Variants in ERCC6L2 observed in about 807,000 individuals in gnomAD.
ERCC6L2 encodes the protein DNA excision repair protein ERCC-6-like 2.
ERCC6L2 carries 77 observed loss-of-function variants against 132.0 expected under a neutral mutation model. That is an observed-to-expected ratio of 0.58 (90% confidence interval 0.49 to 0.71). The LOEUF (loss-of-function observed/expected upper bound fraction) is 0.71, where lower values mean the gene tolerates loss of function less well. Among genes scored for constraint, ERCC6L2 ranks in the 30% least tolerant of loss-of-function variants. The pLI is 0.00. For synonymous variants in ERCC6L2, 583 were observed against 632.4 expected (o/e 0.92, Z 1.17); for missense variants, 1,542 against 1,837.6 (o/e 0.84, Z 2.94).
At chr9:96,019,552 C>T (rs981695349), downstream of ERCC6L2, among the ~76,000 whole-genome samples, 27 of 152,138 alleles carry the variant, frequency 1.8e-4, no homozygotes, top group Non-Finnish European at 3.7e-4. Flanking sequence ...TCACCAAGCT[C>T]AATGGAGCCT....
chr9:95,972,665 A>G lies in ERCC6L2; in HGVS notation c.2914A>G (p.Lys972Glu). ...GAACACAACCCTGAAATCTATTTTGAAAAGAAAAGGCACCAGTGATATCAG... is the reference window on the plus strand; with the variant it reads ...GAACACAACCCTGAAATCTATTTTGGAAAGAAAAGGCACCAGTGATATCAG... ...PENTTLKSILKRKGTSDISDE... is the reference protein window; with the variant it reads ...PENTTLKSILERKGTSDISDE... Residue 972 changes from lysine (K) to glutamate (E), a missense_variant, in exon 16 of 19, where the codon AAA becomes GAA. Physicochemically the swap from Lys to Glu is moderately conservative, Grantham distance 56. Around this residue, in one of 4 missense-constraint regions of ERCC6L2, gnomAD observed 945 missense variants for 1,105.2 expected, o/e 0.86. Coordinates refer to ENST00000653738, the MANE Select transcript of ERCC6L2 (RefSeq NM_020207.7). 7.7e-7 allele frequency: 1 copy of G among 1,297,900 alleles called. No individual in the cohort carries two copies. Among genetic ancestry groups the G allele is most frequent in the Non-Finnish European group, 1.0e-6 (1 of 988,902 alleles). The allele number at this position is 1,297,900 out of a possible 1,614,324, so 80.4% of individuals were successfully genotyped here. A position where few individuals can be genotyped will look rare whatever the true frequency, so the allele number is the denominator to read the frequency against.
intron 11 of ERCC6L2, among the ~76,000 whole-genome samples, chr9:95,941,222 T>A (rs1407562309): frequency 1.3e-5 from 2 of 152,176 alleles, no homozygotes; most frequent in African/African-American, 2.4e-5. Flanking sequence ...CACAAACTAT[T>A]TACGTGGGCT....
downstream of ERCC6L2, chr9:96,020,563 C>T (rs558363776): frequency 1.7e-5 from 6 of 360,740 alleles, no homozygotes; most frequent in Admixed American, 3.7e-5. Context: ...TATGCTGAGA[C>T]ATGTTGGGGT....
chr9:95,883,813 GT>G (rs759606527), intron 2 of ERCC6L2, among the ~76,000 whole-genome samples: 13 of 152,184 alleles, frequency 8.5e-5, no homozygotes, highest in Non-Finnish European at 1.9e-4. Flanking sequence ...AGTCGAGATT[GT>G]GCCACTGCAC....
In ERCC6L2 at chr9:95,972,925, G is replaced by C. The variant is rs1249866068; in HGVS notation, c.3174G>C (p.Gln1058His). The C allele has an allele frequency of 6.1e-6, 8 of 1,306,758 alleles. No homozygotes were observed. The South Asian group carries it at 9.9e-5, about 16-fold the overall frequency. The allele number at this position is 1,306,758 out of a possible 1,614,324, so 80.9% of individuals were successfully genotyped here. ...LSVSHFSFSK[Q>H]SHRPRTIRDR... ...TCAGCCACTTCAGTTTCTCTAAACA[G>C]AGCCACAGACCAAGAACTATAAGAG... The change falls in exon 16 of 19, where the codon CAG (glutamine) becomes CAC (histidine). Residue 1058 changes from glutamine to histidine, a missense_variant. This residue lies in a region of ERCC6L2 where 945 missense variants were observed against 1,105.2 expected (regional missense o/e 0.86). Transcript: ENST00000653738.
chr9:95,965,161 A>G (rs2133046075), intron 13 of ERCC6L2, among the ~76,000 whole-genome samples: 1 of 152,232 alleles, frequency 6.6e-6, no homozygotes. Context: ...GTTTTTTTTA[A>G]GAGAGGCATC....
chr9:95,998,423 G>T (rs1297704511), intron 17 of ERCC6L2, among the ~76,000 whole-genome samples: 2 of 152,232 alleles, frequency 1.3e-5, no homozygotes, highest in Non-Finnish European at 2.9e-5. Context: ...TGAATCAGCT[G>T]ACCTTGAGAT....
chr9:95,985,285 C>T (rs1833054304), intron 17 of ERCC6L2, among the ~76,000 whole-genome samples: 1 of 152,184 alleles, frequency 6.6e-6, no homozygotes, highest in South Asian at 2.1e-4. Context: ...TAAACACTAC[C>T]ACTTAGCCGT....
intron 17 of ERCC6L2, among the ~76,000 whole-genome samples, chr9:95,980,069 G>T (rs1285354298): frequency 6.6e-6 from 1 of 152,118 alleles, no homozygotes; most frequent in Non-Finnish European, 1.5e-5. Context: ...TATAATTTCT[G>T]CAACAATTGA....
intron 13 of ERCC6L2, among the ~76,000 whole-genome samples, chr9:95,964,546 G>A (rs1832065455): frequency 6.6e-6 from 1 of 152,154 alleles, no homozygotes; most frequent in Non-Finnish European, 1.5e-5. Flanking sequence ...CCGTGGTAAG[G>A]AAGCAAAGGG....
intron 2 of ERCC6L2, among the ~76,000 whole-genome samples, chr9:95,894,289 A>G (rs575865864): frequency 6.6e-6 from 1 of 152,326 alleles, no homozygotes; most frequent in African/African-American, 2.4e-5. Context: ...AAAAATTGCA[A>G]GTTGAGCTAT....
chr9:95,918,760 T>C (rs936108020), intron 6 of ERCC6L2: 27 of 171,220 alleles, frequency 1.6e-4, no homozygotes, highest in African/African-American at 5.8e-4. Context: ...TCCATTCTCA[T>C]TGTGTTTTTT....
chr9:95,948,791 G>GAAAAAAAAAAAA (rs55712485), intron 12 of ERCC6L2, among the ~76,000 whole-genome samples: 1 of 104,068 alleles, frequency 9.6e-6, no homozygotes, highest in Non-Finnish European at 1.9e-5. Context: ...CAAGACATTA[G>GAAAAAAAAAAAA]AAAAAAAAAA....
At chr9:95,915,885 CT>C in intron 5 of ERCC6L2, 56 bp downstream of exon 5, 12 of 1,455,950 alleles carry the variant, frequency 8.2e-6, no homozygotes, top group Non-Finnish European at 1.0e-5. Context: ...TGAATACGGT[CT>C]TGTTTGCTAA....
intron 12 of ERCC6L2, among the ~76,000 whole-genome samples, chr9:95,950,787 T>C (rs986223718): frequency 6.6e-6 from 1 of 152,188 alleles, no homozygotes; most frequent in Non-Finnish European, 1.5e-5. Flanking sequence ...ATTTAACAAT[T>C]ATATACATAA....
At chr9:95,899,379 G>A (rs1332793977) in intron 3 of ERCC6L2, among the ~76,000 whole-genome samples, 1 of 152,008 alleles carries the variant, frequency 6.6e-6, no homozygotes, top group Non-Finnish European at 1.5e-5. Flanking sequence ...TGAGCCTGGG[G>A]AGGTTGAGGC....
rs1440088740 is a variant in ERCC6L2, at chr9:96,014,806, C to A, written c.*1603C>A. On this transcript the variant is annotated 3_prime_UTR_variant, in exon 19 of 19. Coordinates refer to ENST00000653738, the MANE Select transcript of ERCC6L2 (RefSeq NM_020207.7). Reference sequence around the variant, plus strand: ...GTATGTTTTGCCATTGAGGGGCCTTCTACACAATGAGTGCATGATATGGTC... The same window carrying A: ...GTATGTTTTGCCATTGAGGGGCCTTATACACAATGAGTGCATGATATGGTC... 1.3e-5 allele frequency among the ~76,000 whole-genome samples: 2 copies of A among 152,092 alleles called. No homozygotes were observed. The highest frequency in any genetic ancestry group is 2.9e-5 in the Non-Finnish European group (2 of 68,026).
At chr9:95,978,453 A>C (rs888556765) in intron 17 of ERCC6L2, among the ~76,000 whole-genome samples, 1 of 152,198 alleles carries the variant, frequency 6.6e-6, no homozygotes, top group Admixed American at 6.5e-5. Flanking sequence ...AGTTTCTCTC[A>C]ATAAAAATTG....
At chr9:95,924,032 C>T (rs1035274776) in intron 9 of ERCC6L2, among the ~76,000 whole-genome samples, 6 of 152,160 alleles carry the variant, frequency 3.9e-5, no homozygotes, top group Admixed American at 2.6e-4. Flanking sequence ...CAGCTTCCTG[C>T]CTCCTTGCAA....
Sources: allele counts gnomAD v4.1 joint callset (sites outside exome capture counted in the v4.1 genomes callset), GRCh38; gene constraint gnomAD v4.1.1; regional missense constraint gnomAD v4.1.1; transcripts MANE v1.5; gene names NCBI Gene and HGNC (gene_info 2026-07-23, HGNC 2026-07-21).